The following AFF2 variants were observed in gnomAD, a reference collection of about 807,000 sequenced individuals.
The protein encoded by AFF2 is AF4/FMR2 family member 2.
Under a neutral mutation model 76.9 loss-of-function variants are expected in AFF2, and 14 were observed. The observed-to-expected ratio is 0.18, with a 90% CI of 0.12 to 0.28. The LOEUF (loss-of-function observed/expected upper bound fraction) is 0.28, where lower values mean the gene tolerates loss of function less well. Ranked by LOEUF, AFF2 falls within the 10% of genes least tolerant of loss-of-function variation. AFF2 has a pLI of 1.00. For synonymous variants in AFF2, 398 were observed against 366.7 expected (o/e 1.09, Z -0.98); for missense variants, 868 against 1,001.1 (o/e 0.87, Z 1.79).
chrX:148,644,175 T>G (rs916836421), intron 1 of AFF2, among the ~76,000 whole-genome samples: 2 of 112,013 alleles, frequency 1.8e-5, no homozygotes, highest in Admixed American at 9.5e-5. Flanking sequence ...ATTCTGAAGA[T>G]AGTTAAGATT....
At chrX:148,842,211 G>A (rs140114346) in intron 5 of AFF2, among the ~76,000 whole-genome samples, 7 of 112,204 alleles carry the variant, frequency 6.2e-5, no homozygotes, top group East Asian at 2.8e-4. Context: ...TGCCCTGAAC[G>A]TTACTGTAAT....
intron 12 of AFF2, among the ~76,000 whole-genome samples, chrX:148,962,225 G>T (rs1286700616): frequency 8.9e-6 from 1 of 112,579 alleles, no homozygotes; most frequent in African/African-American, 3.2e-5. Flanking sequence ...TTATTTCTAA[G>T]TAATGCGTAA....
At chrX:148,985,954 G>T (rs1451665739) in intron 19 of AFF2, among the ~76,000 whole-genome samples, 1 of 110,533 alleles carries the variant, frequency 9.0e-6, no homozygotes, top group Non-Finnish European at 1.9e-5. Context: ...AGTTGTAATT[G>T]TTCCCAGATC....
At chrX:148,728,310 G>T (rs1159516832) in intron 3 of AFF2, among the ~76,000 whole-genome samples, 1 of 112,296 alleles carries the variant, frequency 8.9e-6, no homozygotes, top group Non-Finnish European at 1.9e-5. Context: ...TAAAACTGGT[G>T]CAATCCATAG....
At chrX:148,907,349 C>T (rs1236674477) in intron 9 of AFF2, among the ~76,000 whole-genome samples, 1 of 111,982 alleles carries the variant, frequency 8.9e-6, no homozygotes, top group African/African-American at 3.3e-5. Flanking sequence ...TAGAGTGTCA[C>T]CATCATGTTA....
intron 3 of AFF2, among the ~76,000 whole-genome samples, chrX:148,744,087 A>T (rs2055393535): frequency 9.0e-6 from 1 of 110,942 alleles, no homozygotes; most frequent in African/African-American, 3.3e-5. Flanking sequence ...AGAAAGGTGT[A>T]ATTAATGGTG....
At chrX:148,508,108 A>G (rs1019871120) in intron 1 of AFF2, among the ~76,000 whole-genome samples, 5 of 112,631 alleles carry the variant, frequency 4.4e-5, no homozygotes, top group Non-Finnish European at 9.4e-5. Context: ...CAAAATCAAA[A>G]TCACTCATCT....
rs2072288048 is a variant in AFF2 at position 148,973,730 on chromosome X, T to C, written c.3404+123T>C. On this transcript the variant is annotated intron_variant, in intron 16 of 20. Transcript: ENST00000370460. Reference sequence around the variant, plus strand: ...GTCCAAGCCATCCTCTTAGAAGTCATCATAATTAGTTCTTGCCATTTTATT... The same window carrying C: ...GTCCAAGCCATCCTCTTAGAAGTCACCATAATTAGTTCTTGCCATTTTATT... 8.3e-6 allele frequency: 6 copies of C among 723,334 alleles called. No homozygotes were observed. In the East Asian group the frequency reaches 2.2e-4, roughly 27 times the overall value. 59.6% of individuals were successfully genotyped at this position (723,334 alleles called of 1,213,427 possible).
At chrX:148,726,997 T>G (rs1278243160) in intron 3 of AFF2, among the ~76,000 whole-genome samples, 14 of 112,148 alleles carry the variant, frequency 1.2e-4, no homozygotes, top group East Asian at 8.4e-4. Context: ...GGCATCCTTT[T>G]TCTTGTGCTT....
chrX:148,893,051 C>T (rs2071242146), intron 8 of AFF2, among the ~76,000 whole-genome samples: 1 of 111,947 alleles, frequency 8.9e-6, no homozygotes, highest in African/African-American at 3.2e-5. Flanking sequence ...ATTGAAATCC[C>T]TCACAGAATG....
intron 3 of AFF2, among the ~76,000 whole-genome samples, chrX:148,674,426 C>T (rs1198164092): frequency 9.0e-6 from 1 of 111,315 alleles, no homozygotes; most frequent in Non-Finnish European, 1.9e-5. Flanking sequence ...CAGTTTTGTT[C>T]TTGTACAGAG....
intron 3 of AFF2, among the ~76,000 whole-genome samples, chrX:148,744,919 CCTCACT>C (rs2055403005): frequency 9.0e-6 from 1 of 111,131 alleles, no homozygotes; most frequent in Non-Finnish European, 1.9e-5. Context: ...TAGGAGTGCC[CCTCACT>C]GGTGAGGGAA....
At chrX:148,596,521 A>G (rs2053573581) in intron 1 of AFF2, among the ~76,000 whole-genome samples, 1 of 112,001 alleles carries the variant, frequency 8.9e-6, no homozygotes, top group African/African-American at 3.3e-5. Context: ...TGAAAAGAGC[A>G]TAAAGTGGGA....
chrX:148,676,555 C>T (rs893573928), intron 3 of AFF2, among the ~76,000 whole-genome samples: 2 of 111,976 alleles, frequency 1.8e-5, no homozygotes, highest in East Asian at 5.6e-4. Context: ...GAGATATAGA[C>T]ACAAAAACAG....
chrX:148,630,986 T>C (rs782689689), intron 1 of AFF2, among the ~76,000 whole-genome samples: 2 of 112,503 alleles, frequency 1.8e-5, no homozygotes, highest in African/African-American at 6.5e-5. Context: ...CCACCTGTCA[T>C]AGTGATTCTC....
intron 1 of AFF2, among the ~76,000 whole-genome samples, chrX:148,633,055 G>T (rs2053995350): frequency 8.9e-6 from 1 of 111,796 alleles, no homozygotes; most frequent in African/African-American, 3.3e-5. Context: ...TGTTGTAAAG[G>T]GCATTCAAGA....
At chrX:148,802,419 G>T (rs984380821) in intron 3 of AFF2, among the ~76,000 whole-genome samples, 2 of 111,969 alleles carry the variant, frequency 1.8e-5, no homozygotes, top group Admixed American at 9.5e-5. Flanking sequence ...TAACCTTTTG[G>T]ATGTTATAAT....
intron 1 of AFF2, among the ~76,000 whole-genome samples, chrX:148,639,035 T>C (rs1028203646): frequency 1.6e-4 from 18 of 111,993 alleles, no homozygotes; most frequent in African/African-American, 5.8e-4. Context: ...GCATTCATAT[T>C]CTGGTTTTGC....
At chrX:148,557,887 C>T (rs2053069310) in intron 1 of AFF2, among the ~76,000 whole-genome samples, 1 of 111,975 alleles carries the variant, frequency 8.9e-6, no homozygotes, top group South Asian at 3.7e-4. Flanking sequence ...CTTAGAGACC[C>T]ATCCTTTCAA....
Sources: allele counts gnomAD v4.1 joint callset (sites outside exome capture counted in the v4.1 genomes callset), GRCh38; gene constraint gnomAD v4.1.1; transcripts MANE v1.5; gene names NCBI Gene and HGNC (gene_info 2026-07-23, HGNC 2026-07-21).